Variants in PDE4D observed in about 807,000 individuals in gnomAD.
The protein encoded by PDE4D is phosphodiesterase 4D.
PDE4D carries 24 observed loss-of-function variants against 87.4 expected under a neutral mutation model. The ratio of observed to expected loss-of-function variants is 0.27; its 90% CI spans 0.20 to 0.39. The LOEUF (loss-of-function observed/expected upper bound fraction) is 0.39, where lower values mean the gene tolerates loss of function less well. PDE4D is among the 10% of genes least tolerant of loss of function. The pLI, the probability that PDE4D is intolerant of heterozygous loss-of-function variation, is 1.00. For missense variants in PDE4D, 714 were observed against 1,041.0 expected, an observed-to-expected ratio of 0.69 and a Z score of 4.32; for synonymous variants, 384 against 383.2, an observed-to-expected ratio of 1.00 and a Z score of -0.02.
At chr5:59,751,047 C>T (rs1760380472) in intron 1 of PDE4D, among the ~76,000 whole-genome samples, 1 of 151,166 alleles carries the variant, frequency 6.6e-6, no homozygotes, top group African/African-American at 2.4e-5. Context: ...ACAGGAAACA[C>T]TCAAACTATT....
chr5:60,112,021 G>A (rs1162226548), intron 2 of PDE4D, among the ~76,000 whole-genome samples: 18 of 151,758 alleles, frequency 1.2e-4, no homozygotes, highest in Middle Eastern at 3.4e-3. Context: ...TATCTGCATC[G>A]ATTATATGGC....
intron 1 of PDE4D, among the ~76,000 whole-genome samples, chr5:59,830,509 G>A (rs1350279647): frequency 6.6e-6 from 1 of 152,008 alleles, no homozygotes; most frequent in African/African-American, 2.4e-5. Context: ...CATTGTAGTC[G>A]GAGACATTAA....
At chr5:59,581,867 T>C (rs996009350) in intron 1 of PDE4D, among the ~76,000 whole-genome samples, 1 of 152,132 alleles carries the variant, frequency 6.6e-6, no homozygotes, top group Admixed American at 6.6e-5. Context: ...ATAGGATCGA[T>C]ATCTCATATA....
chr5:59,291,525 G>A (rs1030553469), intron 1 of PDE4D, among the ~76,000 whole-genome samples: 2 of 151,868 alleles, frequency 1.3e-5, no homozygotes, highest in African/African-American at 2.4e-5. Flanking sequence ...GTACAACAGG[G>A]TGACTATAGT....
At chr5:60,276,119 T>A (rs1457880715) in intron 1 of PDE4D, among the ~76,000 whole-genome samples, 2 of 152,212 alleles carry the variant, frequency 1.3e-5, no homozygotes, top group African/African-American at 4.8e-5. Flanking sequence ...TTGAAAGGAA[T>A]GTTCTCTAAG....
intron 2 of PDE4D, among the ~76,000 whole-genome samples, chr5:60,013,095 T>C (rs947182979): frequency 6.6e-6 from 1 of 152,136 alleles, no homozygotes; most frequent in Non-Finnish European, 1.5e-5. Flanking sequence ...AGCTTCTATA[T>C]CTGGTTTAGA....
At chr5:60,436,408 T>A (rs1744762668) in intron 1 of PDE4D, among the ~76,000 whole-genome samples, 1 of 152,086 alleles carries the variant, frequency 6.6e-6, no homozygotes, top group Admixed American at 6.6e-5. Flanking sequence ...CCCTGAGCTC[T>A]CCTTTGAATG....
At chr5:60,212,836 T>C (rs1743406042) in intron 1 of PDE4D, among the ~76,000 whole-genome samples, 1 of 152,246 alleles carries the variant, frequency 6.6e-6, no homozygotes, top group Non-Finnish European at 1.5e-5. Context: ...GATGTCATAC[T>C]ACAAAAATTG....
intron 2 of PDE4D, among the ~76,000 whole-genome samples, chr5:60,128,664 G>T (rs1779320464): frequency 6.6e-6 from 1 of 152,184 alleles, no homozygotes; most frequent in South Asian, 2.1e-4. Flanking sequence ...GAGCAACTGG[G>T]ATTTGGGTAT....
chr5:60,094,353 A>C (rs898095956), intron 2 of PDE4D, among the ~76,000 whole-genome samples: 4 of 152,158 alleles, frequency 2.6e-5, no homozygotes, highest in Non-Finnish European at 4.4e-5. Flanking sequence ...AACACACATT[A>C]AGATGGCATG....
intron 1 of PDE4D, among the ~76,000 whole-genome samples, chr5:59,447,080 A>G (rs1307563061): frequency 6.6e-6 from 1 of 152,206 alleles, no homozygotes; most frequent in Non-Finnish European, 1.5e-5. Context: ...TCTGCAGTTT[A>G]CTACCCCAAT....
chr5:59,741,422 G>C, intron 1 of PDE4D, among the ~76,000 whole-genome samples: 1 of 151,804 alleles, frequency 6.6e-6, no homozygotes, highest in East Asian at 1.9e-4. Context: ...CTATTCAAAA[G>C]AAAAAAATCT....
intron 1 of PDE4D, among the ~76,000 whole-genome samples, chr5:59,694,278 CAGA>C (rs1327710637): frequency 6.6e-6 from 1 of 152,176 alleles, no homozygotes; most frequent in African/African-American, 2.4e-5. Flanking sequence ...AAGTGCAGAT[CAGA>C]AGAATGAGTT....
At chr5:59,518,600 C>T (rs915093939) in intron 1 of PDE4D, among the ~76,000 whole-genome samples, 19 of 151,908 alleles carry the variant, frequency 1.3e-4, no homozygotes, top group Non-Finnish European at 2.5e-4. Context: ...GTACAGGAGT[C>T]GAATAAACAA....
chr5:60,111,580 C>A (rs1204077890), intron 2 of PDE4D, among the ~76,000 whole-genome samples: 1 of 151,884 alleles, frequency 6.6e-6, no homozygotes, highest in Admixed American at 6.6e-5. Flanking sequence ...AGCAAATATT[C>A]TGGACATACA....
In PDE4D at chr5:59,893,540, G is replaced by A. The variant is rs866360475; in HGVS notation, c.83C>T (p.Ala28Val). ...SDSAGGATLK[A>V]PKHLWRHEQH... is the part of the protein sequence containing the mutation. ...CTCGTGCCTCCAGAGATGCTTGGGGGCTTTGAGCGTGGCCCCGCCGGCGCT... is the reference window on the plus strand; with the variant it reads ...CTCGTGCCTCCAGAGATGCTTGGGGACTTTGAGCGTGGCCCCGCCGGCGCT... The change falls in exon 1 of 15, where the codon GCC becomes GTC. Residue 28 changes from alanine (A) to valine (V), a missense_variant. By Grantham distance (64) the Ala-to-Val change is moderately conservative (BLOSUM62 0). Around this residue, in one of 7 missense-constraint regions of PDE4D, gnomAD observed 268 missense variants for 272.9 expected, o/e 0.98. Coordinates refer to ENST00000340635, the MANE Select transcript of PDE4D (RefSeq NM_001104631.2). 6 of 1,540,444 alleles carry A rather than the reference G, an allele frequency of 3.9e-6. No homozygotes were observed. Among genetic ancestry groups the A allele is most frequent in the South Asian group, 1.2e-5 (1 of 82,796 alleles).
chr5:60,400,465 T>C (rs148661101), intron 1 of PDE4D, among the ~76,000 whole-genome samples: 2,220 of 129,310 alleles, frequency 0.017, 65 homozygotes, highest in African/African-American at 0.062. Flanking sequence ...GAGCTTGCAG[T>C]GAGCCAAGAT....
At chr5:59,465,740 A>G (rs1356562824) in intron 1 of PDE4D, among the ~76,000 whole-genome samples, 3 of 152,240 alleles carry the variant, frequency 2.0e-5, no homozygotes, top group Admixed American at 2.0e-4. Context: ...TCTACTGTGC[A>G]AAATTCAACC....
At chr5:59,616,467 A>G (rs1829684025) in intron 1 of PDE4D, among the ~76,000 whole-genome samples, 1 of 152,174 alleles carries the variant, frequency 6.6e-6, no homozygotes, top group African/African-American at 2.4e-5. Flanking sequence ...CAAACCATTA[A>G]AAGTTATAAC....
Sources: allele counts gnomAD v4.1 joint callset (sites outside exome capture counted in the v4.1 genomes callset), GRCh38; gene constraint gnomAD v4.1.1; regional missense constraint gnomAD v4.1.1; transcripts MANE v1.5; gene names NCBI Gene and HGNC (gene_info 2026-07-23, HGNC 2026-07-21).